Variants in PDE4B observed in about 807,000 individuals in gnomAD.
The protein encoded by PDE4B is 3',5'-cyclic-AMP phosphodiesterase 4B.
PDE4B carries 20 observed loss-of-function variants against 82.2 expected under a neutral mutation model. The ratio of observed to expected loss-of-function variants is 0.24; its 90% CI spans 0.17 to 0.35. The LOEUF (loss-of-function observed/expected upper bound fraction) is 0.35. Among genes scored for constraint, PDE4B ranks in the 10% least tolerant of loss-of-function variants. The probability of loss-of-function intolerance (pLI) is 1.00; values close to 1 mark genes in which losing one functional copy is unlikely to be tolerated. For synonymous variants in PDE4B, 320 were observed against 318.9 expected, an observed-to-expected ratio of 1.00 and a Z score of -0.04; for missense variants, 655 against 907.2, an observed-to-expected ratio of 0.72 and a Z score of 3.57.
chr1:66,000,919 T>C (rs1651831407), intron 3 of PDE4B, among the ~76,000 whole-genome samples: 1 of 152,212 alleles, frequency 6.6e-6, no homozygotes, highest in African/African-American at 2.4e-5. Context: ...AGGGTGGTGA[T>C]GATCTGTTTC....
At chr1:65,844,011 G>A (rs1032961657) in intron 1 of PDE4B, among the ~76,000 whole-genome samples, 2 of 152,150 alleles carry the variant, frequency 1.3e-5, no homozygotes, top group Admixed American at 6.6e-5. Context: ...AGGTAGTTCA[G>A]TTTCTTTTTT....
At chr1:65,975,367 A>T (rs1037490847) in intron 3 of PDE4B, among the ~76,000 whole-genome samples, 2 of 152,254 alleles carry the variant, frequency 1.3e-5, no homozygotes, top group African/African-American at 4.8e-5. Flanking sequence ...GCTCATATGC[A>T]TGGGCAAAGA....
intron 3 of PDE4B, among the ~76,000 whole-genome samples, chr1:66,102,775 A>G (rs1645253165): frequency 6.6e-6 from 1 of 152,116 alleles, no homozygotes; most frequent in Non-Finnish European, 1.5e-5. Flanking sequence ...TTGAGTCAGT[A>G]CAGGACTTTA....
At chr1:66,120,679 G>T (rs764599002) in intron 3 of PDE4B, among the ~76,000 whole-genome samples, 13 of 152,050 alleles carry the variant, frequency 8.5e-5, no homozygotes, top group Non-Finnish European at 1.9e-4. Context: ...ACTATTTCCA[G>T]CTCAGTTCTG....
intron 3 of PDE4B, among the ~76,000 whole-genome samples, chr1:66,013,879 A>G (rs1471473737): frequency 6.6e-6 from 1 of 152,210 alleles, no homozygotes; most frequent in African/African-American, 2.4e-5. Context: ...ACGGTTCTCC[A>G]TAATGACTGT....
chr1:65,856,390 T>C (rs1260158833), intron 1 of PDE4B, among the ~76,000 whole-genome samples: 3 of 152,162 alleles, frequency 2.0e-5, no homozygotes, highest in Admixed American at 1.3e-4. Context: ...TGTCCATGTG[T>C]TCTCATTGTT....
In PDE4B at chr1:65,874,965, C is replaced by T. The variant is rs1258906671; in HGVS notation, c.-70-38280C>T. On this transcript the variant is annotated intron_variant, in intron 1 of 16. Coordinates refer to ENST00000341517, the MANE Select transcript of PDE4B (RefSeq NM_002600.4). Reference sequence around the variant, plus strand: ...ATTGACAAATGGGATCTAATTAAACCAAAGAGCTTCTGCACAGCAAAAGAA... The same window carrying T: ...ATTGACAAATGGGATCTAATTAAACTAAAGAGCTTCTGCACAGCAAAAGAA... 5.9e-5 allele frequency among the ~76,000 whole-genome samples: 9 copies of T among 151,434 alleles called. No homozygotes were observed. In the South Asian group the frequency reaches 6.3e-4, roughly 11 times the overall value.
intron 1 of PDE4B, among the ~76,000 whole-genome samples, chr1:65,856,746 G>A (rs1030195318): frequency 9.2e-5 from 14 of 152,144 alleles, no homozygotes; most frequent in African/African-American, 3.4e-4. Context: ...GATCCTTGAG[G>A]AATCACCACA....
chr1:65,989,603 A>T (rs922785617), intron 3 of PDE4B, among the ~76,000 whole-genome samples: 1 of 152,204 alleles, frequency 6.6e-6, no homozygotes, highest in African/African-American at 2.4e-5. Flanking sequence ...TGATAAATTA[A>T]TTGGGAATTA....
intron 3 of PDE4B, among the ~76,000 whole-genome samples, chr1:66,118,301 G>A (rs958922743): frequency 2.6e-5 from 4 of 152,232 alleles, no homozygotes; most frequent in African/African-American, 2.4e-5. Context: ...ATTCACAATA[G>A]CAAAGACTTG....
At chr1:65,997,295 C>T (rs1291161816) in intron 3 of PDE4B, among the ~76,000 whole-genome samples, 1 of 151,988 alleles carries the variant, frequency 6.6e-6, no homozygotes, top group East Asian at 1.9e-4. Flanking sequence ...AGAAAAGAGG[C>T]TTGTATTCCT....
intron 3 of PDE4B, among the ~76,000 whole-genome samples, chr1:66,144,526 A>C (rs1646232635): frequency 6.6e-6 from 1 of 152,232 alleles, no homozygotes; most frequent in African/African-American, 2.4e-5. Context: ...GAGCATCCCT[A>C]ATGTGAATAT....
In PDE4B at chr1:65,980,235, A is replaced by G. The variant is rs549513185; in HGVS notation, c.281+61400A>G. On this transcript the variant is annotated intron_variant, in intron 3 of 16. Coordinates refer to ENST00000341517, the MANE Select transcript of PDE4B (RefSeq NM_002600.4). ...CTTTTAAAAATATGTGTATATAATG[A>G]AGGTATAAAATAATATTTTCTGTCA... Among the ~76,000 whole-genome samples, 3 of 152,346 alleles carry G rather than the reference A, an allele frequency of 2.0e-5. No homozygotes were observed. The East Asian group carries it at 5.8e-4, about 29-fold the overall frequency.
At chr1:65,940,993 T>C (rs1392508537) in intron 3 of PDE4B, among the ~76,000 whole-genome samples, 1 of 143,192 alleles carries the variant, frequency 7.0e-6, no homozygotes, top group African/African-American at 2.4e-5. Flanking sequence ...CAAATGTTGA[T>C]ATTTTGCTTT....
chr1:66,158,001 T>C (rs911893908), intron 3 of PDE4B, among the ~76,000 whole-genome samples: 2 of 152,196 alleles, frequency 1.3e-5, no homozygotes, highest in Non-Finnish European at 2.9e-5. Context: ...ACTTGTGTAA[T>C]TGCAGTTTGT....
In PDE4B at chr1:65,941,139, C is replaced by T. The variant is rs561696804; in HGVS notation, c.281+22304C>T. Among the ~76,000 whole-genome samples, 19 of 152,092 alleles carry T rather than the reference C, an allele frequency of 1.2e-4. No homozygotes were observed. In the South Asian group the frequency reaches 3.5e-3, roughly 28 times the overall value. On this transcript the variant is annotated intron_variant, in intron 3 of 16. Transcript: ENST00000341517. ...TCACTCCCAATGCTACCTCTTCTGCCAGCAGACAGGTCCTAGAGGATAGGA... is the reference window on the plus strand; with the variant it reads ...TCACTCCCAATGCTACCTCTTCTGCTAGCAGACAGGTCCTAGAGGATAGGA...
At chr1:65,965,279 TA>T (rs145658889) in intron 3 of PDE4B, among the ~76,000 whole-genome samples, 1 of 152,228 alleles carries the variant, frequency 6.6e-6, no homozygotes, top group East Asian at 1.9e-4. Context: ...ACAAAGCTTT[TA>T]CTGTACGATT....
chr1:66,076,042 T>G (rs963106389), intron 3 of PDE4B, among the ~76,000 whole-genome samples: 6 of 151,924 alleles, frequency 3.9e-5, no homozygotes, highest in African/African-American at 1.4e-4. Context: ...TCTTCTAACT[T>G]TTGTTATAGG....
At chr1:65,937,446 G>A (rs1385300657) in intron 3 of PDE4B, among the ~76,000 whole-genome samples, 1 of 152,166 alleles carries the variant, frequency 6.6e-6, no homozygotes, top group African/African-American at 2.4e-5. Context: ...ATACTTTTGT[G>A]CTGCCTCTCA....
Sources: gnomAD v4.1 joint callset for allele counts (sites outside exome capture counted in the v4.1 genomes callset) on GRCh38, gnomAD v4.1.1 for gene constraint, MANE v1.5 for transcripts, NCBI Gene and HGNC (gene_info 2026-07-23, HGNC 2026-07-21) for gene names.